The following XRCC6 variants were observed in gnomAD, a reference collection of about 807,000 sequenced individuals.
XRCC6 encodes X-ray repair cross complementing 6, also known as DNA repair protein Ku70.
A neutral mutation model predicts 65.7 loss-of-function variants in XRCC6; 5 were observed. The observed-to-expected ratio is 0.08, with a 90% CI of 0.04 to 0.16. The LOEUF (loss-of-function observed/expected upper bound fraction) is 0.16. XRCC6 is among the 10% of genes least tolerant of loss of function. The pLI is 1.00. For synonymous variants in XRCC6, 270 were observed against 270.6 expected, an observed-to-expected ratio of 1.00 and a Z score of 0.02; for missense variants, 447 against 738.1, an observed-to-expected ratio of 0.61 and a Z score of 4.57.
At chr22:41,648,892 C>T (rs78436627) in intron 7 of XRCC6, among the ~76,000 whole-genome samples, 1 of 151,708 alleles carries the variant, frequency 6.6e-6, no homozygotes, top group Admixed American at 6.6e-5. Context: ...CTTGAGAGTT[C>T]TTTTGTTCAT....
intron 3 of XRCC6, among the ~76,000 whole-genome samples, chr22:41,631,510 C>CTGCACTCT (rs2067750244): frequency 6.8e-6 from 1 of 146,640 alleles, no homozygotes. Context: ...TGGGCAGAGG[C>CTGCACTCT]GCTCCTCACA....
chr22:41,663,060 G>A (rs1482975094), intron 12 of XRCC6, among the ~76,000 whole-genome samples: 1 of 152,160 alleles, frequency 6.6e-6, no homozygotes, highest in Non-Finnish European at 1.5e-5. Context: ...CAGCCTCGGT[G>A]ATAGAGTGAG....
chr22:41,643,929 G>T (rs1322352517), intron 6 of XRCC6, among the ~76,000 whole-genome samples: 2 of 148,894 alleles, frequency 1.3e-5, no homozygotes, highest in Admixed American at 6.7e-5. Flanking sequence ...AGGTTGCAGT[G>T]AGCTGAGATT....
intron 7 of XRCC6, 48 bp from the exon 8 acceptor site, chr22:41,650,675 A>G (rs773376117): frequency 3.7e-5 from 59 of 1,583,732 alleles, no homozygotes; most frequent in Non-Finnish European, 4.2e-5. Context: ...GTTATTTTGC[A>G]TCTCCTCGTA....
At chr22:41,634,527 C>T (rs913591577) in intron 3 of XRCC6, among the ~76,000 whole-genome samples, 4 of 148,112 alleles carry the variant, frequency 2.7e-5, no homozygotes, top group Non-Finnish European at 5.9e-5. Context: ...TAGGTAGGCC[C>T]CTAGAACTGA....
At chr22:41,660,574 G>C (rs1210638800) in intron 11 of XRCC6, among the ~76,000 whole-genome samples, 1 of 152,044 alleles carries the variant, frequency 6.6e-6, no homozygotes, top group Non-Finnish European at 1.5e-5. Context: ...CAGCTTCCAT[G>C]ACCTCATCAT....
intron 6 of XRCC6, among the ~76,000 whole-genome samples, chr22:41,645,300 T>TAAA (rs993256489): frequency 7.3e-6 from 1 of 136,886 alleles, no homozygotes; most frequent in African/African-American, 2.7e-5. Flanking sequence ...ACTCCATCTT[T>TAAA]AAAAAAAAAA....
Position 41,663,706 on chromosome 22 carries a change from G to T in XRCC6, c.1721G>T (p.Gly574Val). The change falls in exon 13 of 13, where the codon GGC becomes GTC. Residue 574 changes from glycine to valine, a missense_variant. Gly to Val is a moderately radical substitution (Grantham distance 109, BLOSUM62 -3). This residue lies in a region of XRCC6 where 201 missense variants were observed against 374.1 expected (regional missense o/e 0.54). Coordinates refer to ENST00000360079, the MANE Select transcript of XRCC6 (RefSeq NM_001469.5). ...LKTHISKGTL[G>V]KFTVPMLKEA... ...ACCCACATCAGCAAGGGTACGCTGGGCAAGTTCACTGTGCCCATGCTGAAA... is the reference window on the plus strand; with the variant it reads ...ACCCACATCAGCAAGGGTACGCTGGTCAAGTTCACTGTGCCCATGCTGAAA... 6.2e-7 allele frequency: 1 copy of T among 1,613,988 alleles called. No homozygotes were observed. Among genetic ancestry groups the T allele is most frequent in the South Asian group, 1.1e-5 (1 of 91,076 alleles).
intron 2 of XRCC6, among the ~76,000 whole-genome samples, chr22:41,625,769 C>T (rs2067662896): frequency 6.6e-6 from 1 of 152,170 alleles, no homozygotes; most frequent in Admixed American, 6.5e-5. Context: ...TTCAAGGCTG[C>T]AGTGAGCTAT....
chr22:41,663,846 C>G lies in XRCC6; in HGVS notation c.*31C>G. On this transcript the variant is annotated 3_prime_UTR_variant, in exon 13 of 13. Transcript: ENST00000360079. ...GGCCGCGCGTCCAGCTGCCCTTCCGCAGTGTGGCCAGGCTGCCTGGCCTTG... is the reference window on the plus strand; with the variant it reads ...GGCCGCGCGTCCAGCTGCCCTTCCGGAGTGTGGCCAGGCTGCCTGGCCTTG... The G allele has an allele frequency of 2.5e-6, 4 of 1,598,672 alleles. No homozygotes were observed. The highest frequency in any genetic ancestry group is 3.4e-6 in the Non-Finnish European group (4 of 1,169,566).
intron 9 of XRCC6, among the ~76,000 whole-genome samples, chr22:41,655,694 G>C (rs1165462536): frequency 1.4e-5 from 2 of 142,450 alleles, no homozygotes; most frequent in Non-Finnish European, 3.0e-5. Flanking sequence ...GCGAGACTCT[G>C]TCTCAAAAAA....
Position 41,643,815 on chromosome 22 carries a change from C to T in XRCC6, c.774-3081C>T, listed in dbSNP as rs1242914035. ...CACCCTAGGCGACAGAGTGAGACTC[C>T]ATCTCAAAAAAAAAAAAAAATTAGC... is the stretch of plus-strand genomic sequence containing the variant. On this transcript the variant is annotated intron_variant, in intron 6 of 12. Transcript: ENST00000360079. Among the ~76,000 whole-genome samples, 6 of 134,144 alleles carry T rather than the reference C, an allele frequency of 4.5e-5. No individual in the cohort carries two copies. In the East Asian group the frequency reaches 1.1e-3, roughly 24 times the overall value. 88.0% of individuals were successfully genotyped at this position (134,144 alleles called of 152,430 possible). A position where few individuals can be genotyped will look rare whatever the true frequency, so the allele number is the denominator to read the frequency against.
rs568365125 is a variant in XRCC6, at chr22:41,632,016, T to C, written c.195+3786T>C. Among the ~76,000 whole-genome samples, 848 of 152,046 alleles carry C rather than the reference T, an allele frequency of 5.6e-3. 6 individuals carry two copies. Among genetic ancestry groups the C allele is most frequent in the South Asian group, 0.019 (91 of 4,812 alleles). On this transcript the variant is annotated intron_variant, in intron 3 of 12. Transcript: ENST00000360079. ...GGCGGCACGCGCCTGCAATCGCAGG[T>C]GCTCGGCAGGCTGAGGCAGGAGAAT...
chr22:41,621,951 T>C, intron 1 of XRCC6, 39 bp from the exon 2 acceptor site: 1 of 1,602,572 alleles, frequency 6.2e-7, no homozygotes, highest in Non-Finnish European at 8.5e-7. Context: ...TTTTTCGATT[T>C]AAATTTGCCT....
At chr22:41,631,096 C>T (rs935863372) in intron 3 of XRCC6, among the ~76,000 whole-genome samples, 1 of 150,244 alleles carries the variant, frequency 6.7e-6, no homozygotes, top group African/African-American at 2.5e-5. Context: ...GGGGGGATGA[C>T]CCCCCCACCT....
chr22:41,645,797 G>C (rs2067925887), intron 6 of XRCC6, among the ~76,000 whole-genome samples: 1 of 150,848 alleles, frequency 6.6e-6, no homozygotes, highest in Admixed American at 6.6e-5. Context: ...CCTGGTTCAA[G>C]CGATTCTCCT....
At chr22:41,623,633 C>G (rs2067635874) in intron 2 of XRCC6, among the ~76,000 whole-genome samples, 1 of 152,132 alleles carries the variant, frequency 6.6e-6, no homozygotes, top group Non-Finnish European at 1.5e-5. Flanking sequence ...GTGATCCGCC[C>G]TACTCAGCAT....
At chr22:41,652,182 C>T (rs1444981122) in intron 8 of XRCC6, among the ~76,000 whole-genome samples, 1 of 152,084 alleles carries the variant, frequency 6.6e-6, no homozygotes, top group Non-Finnish European at 1.5e-5. Flanking sequence ...GCTTTTTCTC[C>T]AGTGTTGGAA....
chr22:41,636,351 A>C lies in XRCC6; in HGVS notation c.334+100A>C, dbSNP rs1044240440. ...GAAGGAAGCAAGTTACATCTTGTCT[A>C]GGAGTATGCTTTCCTCCATAAGGGG... On this transcript the variant is annotated intron_variant, in intron 4 of 12. Coordinates refer to ENST00000360079, the MANE Select transcript of XRCC6 (RefSeq NM_001469.5). The C allele has an allele frequency of 2.0e-6, 3 of 1,497,710 alleles. No individual in the cohort carries two copies. The African/African-American group carries it at 4.2e-5, about 21-fold the overall frequency. The allele number at this position is 1,497,710 out of a possible 1,614,324, so 92.8% of individuals were successfully genotyped here. A position where few individuals can be genotyped will look rare whatever the true frequency, so the allele number is the denominator to read the frequency against.
Sources: gnomAD v4.1 joint callset for allele counts (sites outside exome capture counted in the v4.1 genomes callset) on GRCh38, gnomAD v4.1.1 for gene constraint, gnomAD v4.1.1 regional missense constraint, MANE v1.5 for transcripts, NCBI Gene and HGNC (gene_info 2026-07-23, HGNC 2026-07-21) for gene names.